Variants in CLNK observed in about 807,000 individuals in gnomAD.
CLNK encodes cytokine dependent hematopoietic cell linker, also known as cytokine-dependent hematopoietic cell linker.
Under a neutral mutation model 68.6 loss-of-function variants are expected in CLNK, and 74 were observed. The ratio of observed to expected loss-of-function variants is 1.08; its 90% confidence interval spans 0.89 to 1.31. The LOEUF is 1.31. Ranked by LOEUF, CLNK falls within the 50% of genes most tolerant of loss-of-function variation. CLNK has a pLI of 0.00. For missense variants in CLNK, 553 were observed against 515.3 expected, an observed-to-expected ratio of 1.07 and a Z score of -0.71; for synonymous variants, 198 against 172.2, an observed-to-expected ratio of 1.15 and a Z score of -1.17.
intron 14 of CLNK, among the ~76,000 whole-genome samples, chr4:10,522,911 G>A (rs1207426561): frequency 1.3e-5 from 2 of 152,208 alleles, no homozygotes; most frequent in Non-Finnish European, 2.9e-5. Flanking sequence ...GAGTAAGGGT[G>A]TATTCCAGGC....
intron 18 of CLNK, among the ~76,000 whole-genome samples, chr4:10,500,279 C>T (rs1267468437): frequency 2.6e-5 from 4 of 152,170 alleles, no homozygotes; most frequent in Non-Finnish European, 5.9e-5. Flanking sequence ...TTCCCCCTTC[C>T]GTTACTGCCT....
intron 2 of CLNK, among the ~76,000 whole-genome samples, chr4:10,605,637 G>A (rs910459724): frequency 4.9e-4 from 75 of 152,040 alleles, no homozygotes; most frequent in African/African-American, 1.7e-3. Flanking sequence ...AGACCATCCT[G>A]CCCAACATGG....
intron 4 of CLNK, 115 bp from the exon 5 acceptor site, chr4:10,571,893 C>A: frequency 1.3e-6 from 1 of 760,030 alleles, no homozygotes; most frequent in Non-Finnish European, 2.2e-6. Context: ...ATTAACTTAC[C>A]TTGATTGTGA....
At chr4:10,676,780 C>A (rs903753251) in intron 1 of CLNK, among the ~76,000 whole-genome samples, 4 of 151,770 alleles carry the variant, frequency 2.6e-5, no homozygotes, top group Non-Finnish European at 4.4e-5. Context: ...TTCTCATGTT[C>A]CTTTCCTTCC....
chr4:10,702,005 C>G, the CLNK span, among the ~76,000 whole-genome samples: 6 of 152,188 alleles, frequency 3.9e-5, no homozygotes, highest in Non-Finnish European at 8.8e-5. Context: ...CCGCTTGGCA[C>G]ACAGGTGTGA....
intron 15 of CLNK, among the ~76,000 whole-genome samples, chr4:10,519,752 AAG>A (rs1237125391): frequency 6.6e-6 from 1 of 152,186 alleles, no homozygotes; most frequent in Non-Finnish European, 1.5e-5. Flanking sequence ...GGAAGAAGAA[AAG>A]AGAATGCAGA....
chr4:10,713,965 A>G, the CLNK span, among the ~76,000 whole-genome samples: 1 of 152,222 alleles, frequency 6.6e-6, no homozygotes, highest in African/African-American at 2.4e-5. Flanking sequence ...GAAGCTGCCA[A>G]ATCTGGGCAG....
At chr4:10,667,797 AAC>A (rs772103559) in intron 2 of CLNK, 60 bp downstream of exon 2, 1 of 1,478,672 alleles carries the variant, frequency 6.8e-7, no homozygotes, top group Middle Eastern at 1.8e-4. Flanking sequence ...TCTTCCAGAA[AAC>A]ACCTCCTGTC....
At chr4:10,669,477 G>A (rs552799130) in intron 1 of CLNK, among the ~76,000 whole-genome samples, 23 of 152,144 alleles carry the variant, frequency 1.5e-4, no homozygotes, top group Non-Finnish European at 2.1e-4. Flanking sequence ...AGCATCATGC[G>A]CAAAGGTGTG....
At chr4:10,651,351 T>A (rs1365778431) in intron 2 of CLNK, among the ~76,000 whole-genome samples, 1 of 152,170 alleles carries the variant, frequency 6.6e-6, no homozygotes, top group African/African-American at 2.4e-5. Context: ...ATACATACCA[T>A]GGAATACTGT....
intron 2 of CLNK, among the ~76,000 whole-genome samples, chr4:10,602,485 G>A (rs1451782592): frequency 6.6e-6 from 1 of 152,172 alleles, no homozygotes; most frequent in Admixed American, 6.5e-5. Flanking sequence ...ATGTGAAGAT[G>A]GCGGAGATTG....
At chr4:10,590,082 C>T (rs989297507) in intron 3 of CLNK, among the ~76,000 whole-genome samples, 5 of 152,116 alleles carry the variant, frequency 3.3e-5, no homozygotes, top group East Asian at 1.9e-4. Context: ...GTATATAAGC[C>T]GGTGTCAACA....
intron 2 of CLNK, among the ~76,000 whole-genome samples, chr4:10,660,297 T>C (rs1724146095): frequency 6.6e-6 from 1 of 152,224 alleles, no homozygotes; most frequent in Non-Finnish European, 1.5e-5. Flanking sequence ...ATGGGATGCC[T>C]AAGGGATTGA....
At chr4:10,599,011 C>A (rs747571335) in intron 2 of CLNK, among the ~76,000 whole-genome samples, 4 of 152,230 alleles carry the variant, frequency 2.6e-5, no homozygotes, top group Non-Finnish European at 5.9e-5. Context: ...ACTCTTACTT[C>A]CGAACTCAGC....
intron 2 of CLNK, among the ~76,000 whole-genome samples, chr4:10,640,498 ATC>A (rs1007155463): frequency 6.6e-6 from 1 of 152,206 alleles, no homozygotes. Context: ...TCTTAAAAGT[ATC>A]TCTCTGTGTC....
intron 15 of CLNK, among the ~76,000 whole-genome samples, chr4:10,515,324 T>C (rs1717784936): frequency 6.6e-6 from 1 of 152,198 alleles, no homozygotes; most frequent in African/African-American, 2.4e-5. Context: ...CTGAATGGAC[T>C]GTCTACTCAT....
chr4:10,545,755 C>T (rs1031539866), intron 8 of CLNK, among the ~76,000 whole-genome samples: 4 of 152,194 alleles, frequency 2.6e-5, no homozygotes, highest in Admixed American at 6.5e-5. Flanking sequence ...AGGCCTTTGA[C>T]GTCTTTTGAA....
chr4:10,660,216 A>C (rs1724142200), intron 2 of CLNK, among the ~76,000 whole-genome samples: 1 of 152,158 alleles, frequency 6.6e-6, no homozygotes, highest in Non-Finnish European at 1.5e-5. Flanking sequence ...TTTGGGCATG[A>C]TTATGTTAAT....
intron 2 of CLNK, among the ~76,000 whole-genome samples, chr4:10,621,695 G>A (rs1320494217): frequency 6.6e-6 from 1 of 152,188 alleles, no homozygotes; most frequent in Non-Finnish European, 1.5e-5. Flanking sequence ...TCAAGAAAAG[G>A]ATGATGCGTG....
Sources: gnomAD v4.1 joint callset for allele counts (sites outside exome capture counted in the v4.1 genomes callset) on GRCh38, gnomAD v4.1.1 for gene constraint, MANE v1.5 for transcripts, NCBI Gene and HGNC (gene_info 2026-07-23, HGNC 2026-07-21) for gene names.